TNFAIP6: variants seen among roughly 807,000 people sequenced by gnomAD.
TNFAIP6 encodes TNF alpha induced protein 6, also known as tumor necrosis factor-inducible gene 6 protein.
TNFAIP6 carries 36 observed loss-of-function variants against 33.7 expected under a neutral mutation model. The ratio of observed to expected loss-of-function variants is 1.07; its 90% CI spans 0.82 to 1.41. The LOEUF is 1.41. Among genes scored for constraint, TNFAIP6 ranks in the 40% most tolerant of loss-of-function variants. The pLI, the probability that TNFAIP6 is intolerant of heterozygous loss-of-function variation, is 0.00. For synonymous variants in TNFAIP6, 113 were observed against 112.8 expected (o/e 1.00, Z -0.01); for missense variants, 273 against 331.9 (o/e 0.82, Z 1.38).
chr2:151,374,694 C>A (rs367928134), intron 5 of TNFAIP6, among the ~76,000 whole-genome samples: 35 of 152,150 alleles, frequency 2.3e-4, no homozygotes, highest in African/African-American at 8.2e-4. Context: ...AGAAAGATAA[C>A]CTATTAAATT....
chr2:151,368,919 G>A (rs962742158), intron 3 of TNFAIP6, among the ~76,000 whole-genome samples: 1 of 152,176 alleles, frequency 6.6e-6, no homozygotes, highest in Admixed American at 6.5e-5. Flanking sequence ...TAGGCCAGGT[G>A]CCATGGCTCA....
intron 2 of TNFAIP6, among the ~76,000 whole-genome samples, chr2:151,364,634 A>G (rs1019495339): frequency 2.0e-5 from 3 of 152,230 alleles, no homozygotes; most frequent in Admixed American, 6.5e-5. Context: ...ATGGTATCAG[A>G]AGACCTGGTG....
intron 1 of TNFAIP6, among the ~76,000 whole-genome samples, chr2:151,359,441 T>A (rs922121611): frequency 3.4e-5 from 5 of 146,054 alleles, no homozygotes. Flanking sequence ...CACGCTGGAG[T>A]GCAGTGGCAC....
intron 5 of TNFAIP6, among the ~76,000 whole-genome samples, chr2:151,377,874 C>G (rs1049152923): frequency 2.0e-5 from 3 of 152,026 alleles, no homozygotes; most frequent in African/African-American, 7.3e-5. Context: ...ACTCGGAAAC[C>G]AGACTGCCTG....
chr2:151,359,615 C>T (rs1048962833), intron 1 of TNFAIP6, among the ~76,000 whole-genome samples: 2 of 152,150 alleles, frequency 1.3e-5, no homozygotes, highest in African/African-American at 4.8e-5. Context: ...GTCTCAATCT[C>T]CTGACCTCGT....
chr2:151,375,707 C>CA lies in TNFAIP6; in HGVS notation c.664+2132dup, dbSNP rs751669722. The stretch of plus-strand genomic sequence containing the variant: ...TGGGTGACAGAGCAAGACCCCATCT[C>CA]AAAAAAAAAAAAAATCCTATCAAGC... On this transcript the variant is annotated intron_variant, in intron 5 of 5. Coordinates refer to ENST00000243347, the MANE Select transcript of TNFAIP6 (RefSeq NM_007115.4). Among the ~76,000 whole-genome samples, 1,090 of 126,670 alleles carry CA rather than the reference C, an allele frequency of 8.6e-3. 5 individuals carry two copies. Among genetic ancestry groups the CA allele is most frequent in the African/African-American group, 0.012 (422 of 34,328 alleles). 83.1% of individuals were successfully genotyped at this position (126,670 alleles called of 152,430 possible). A position where few individuals can be genotyped will look rare whatever the true frequency, so the allele number is the denominator to read the frequency against.
chr2:151,376,443 A>G (rs892080871), intron 5 of TNFAIP6, among the ~76,000 whole-genome samples: 7 of 151,722 alleles, frequency 4.6e-5, no homozygotes, highest in Admixed American at 4.6e-4. Context: ...AAAAGAAAGA[A>G]AGAACCTGAA....
In TNFAIP6 at chr2:151,364,068, G is replaced by A; in HGVS notation, c.220G>A (p.Ala74Thr). The change falls in exon 2 of 6, where the codon GCC (alanine) becomes ACC (threonine). Residue 74 changes from alanine (A) to threonine (T), a missense_variant. By Grantham distance (58) the Ala-to-Thr change is moderately conservative. Coordinates refer to ENST00000243347, the MANE Select transcript of TNFAIP6 (RefSeq NM_007115.4). ...CGCAACTTACAAGCAGCTAGAGGCA[G>A]CCAGAAAAATTGGTAACTGATTTCA... is the stretch of plus-strand genomic sequence containing the variant. ...HLATYKQLEAARKIGFHVCAA... is the reference protein window; with the variant it reads ...HLATYKQLEATRKIGFHVCAA... 2 of 1,612,640 alleles carry A rather than the reference G, an allele frequency of 1.2e-6. No individual in the cohort carries two copies. Among genetic ancestry groups the A allele is most frequent in the Non-Finnish European group, 1.7e-6 (2 of 1,179,660 alleles).
chr2:151,359,595 A>G (rs928599631), intron 1 of TNFAIP6, among the ~76,000 whole-genome samples: 4 of 152,096 alleles, frequency 2.6e-5, no homozygotes, highest in Non-Finnish European at 5.9e-5. Context: ...TCACCATGTT[A>G]GCCAGGGTGG....
In TNFAIP6 at chr2:151,379,484, C is replaced by A; in HGVS notation, c.785C>A (p.Thr262Asn). 1 of 1,585,052 alleles carries A rather than the reference C, an allele frequency of 6.3e-7. No homozygotes were observed. Among genetic ancestry groups the A allele is most frequent in the East Asian group, 2.3e-5 (1 of 43,686 alleles). The change falls in exon 6 of 6, where the codon ACT becomes AAT. Residue 262 changes from threonine (T) to asparagine (N), a missense_variant. Physicochemically the swap from Thr to Asn is moderately conservative, Grantham distance 65 (BLOSUM62 0). Coordinates refer to ENST00000243347, the MANE Select transcript of TNFAIP6 (RefSeq NM_007115.4). ...AGTCAAGGAAAAAATACAAGTACTA[C>A]TTCTACTGGAAATAAAAACTTTTTA... ...KSSQGKNTST[T>N]STGNKNFLAG...
intron 4 of TNFAIP6, among the ~76,000 whole-genome samples, chr2:151,370,616 T>C (rs572278488): frequency 1.4e-4 from 21 of 152,146 alleles, no homozygotes; most frequent in African/African-American, 4.8e-4. Context: ...AACATACTTA[T>C]TAAAGTAGTG....
At chr2:151,359,089 G>C (rs1684580934) in intron 1 of TNFAIP6, among the ~76,000 whole-genome samples, 1 of 152,140 alleles carries the variant, frequency 6.6e-6, no homozygotes, top group Non-Finnish European at 1.5e-5. Context: ...TTGCCCCAGA[G>C]GTAGAGAGAA....
intron 4 of TNFAIP6, among the ~76,000 whole-genome samples, chr2:151,371,223 C>A (rs1427415967): frequency 6.6e-6 from 1 of 152,180 alleles, no homozygotes; most frequent in Non-Finnish European, 1.5e-5. Context: ...TGCTAGAACA[C>A]AACCTTTTCC....
downstream of TNFAIP6, among the ~76,000 whole-genome samples, chr2:151,381,315 A>G (rs1369526006): frequency 1.3e-5 from 2 of 152,082 alleles, no homozygotes; most frequent in African/African-American, 4.8e-5. Context: ...TATGAAAAAA[A>G]TTTTAAATTA....
intron 5 of TNFAIP6, among the ~76,000 whole-genome samples, chr2:151,378,576 C>T (rs1684958054): frequency 6.6e-6 from 1 of 151,804 alleles, no homozygotes. Context: ...GCAACCTCCG[C>T]CTCCCGGGTT....
At chr2:151,373,870 G>C (rs1684855556) in intron 5 of TNFAIP6, 1 of 214,698 alleles carries the variant, frequency 4.7e-6, no homozygotes, top group Admixed American at 5.8e-5. Flanking sequence ...TATTGCTATA[G>C]TTTATGATTT....
chr2:151,379,541 A>T lies in TNFAIP6; in HGVS notation c.*8A>T. The T allele has an allele frequency of 6.5e-7, 1 of 1,542,636 alleles. No homozygotes were observed. On this transcript the variant is annotated 3_prime_UTR_variant, in exon 6 of 6. Transcript: ENST00000243347. ...AGATTTAGCCACTTATAAAAAAAAA[A>T]AAAAGGATGATCAAAACACACAGTG...
chr2:151,366,828 A>G (rs1272231499), intron 3 of TNFAIP6, among the ~76,000 whole-genome samples: 1 of 152,154 alleles, frequency 6.6e-6, no homozygotes, highest in African/African-American at 2.4e-5. Flanking sequence ...ATTATACCAT[A>G]TATTTTTATT....
intron 1 of TNFAIP6, among the ~76,000 whole-genome samples, chr2:151,358,654 G>T (rs552534719): frequency 3.3e-5 from 5 of 152,290 alleles, no homozygotes; most frequent in African/African-American, 9.6e-5. Context: ...CCTAGATTTT[G>T]ATTTTATGCT....
Sources: allele counts gnomAD v4.1 joint callset (sites outside exome capture counted in the v4.1 genomes callset), GRCh38; gene constraint gnomAD v4.1.1; transcripts MANE v1.5; gene names NCBI Gene and HGNC (gene_info 2026-07-23, HGNC 2026-07-21).